INSC: variants seen among roughly 807,000 people sequenced by gnomAD.
The protein encoded by INSC is INSC spindle orientation adaptor protein.
A neutral mutation model predicts 58.6 loss-of-function variants in INSC; 67 were observed. The ratio of observed to expected loss-of-function variants is 1.14; its 90% confidence interval spans 0.94 to 1.40. The LOEUF is 1.40. Ranked by LOEUF, INSC falls within the 40% of genes most tolerant of loss-of-function variation. The pLI is 0.00. For synonymous variants in INSC, 262 were observed against 276.1 expected (o/e 0.95, Z 0.51); for missense variants, 714 against 692.0 (o/e 1.03, Z -0.36).
the INSC span, among the ~76,000 whole-genome samples, chr11:15,253,291 T>A: frequency 6.6e-6 from 1 of 152,070 alleles, no homozygotes; most frequent in Non-Finnish European, 1.5e-5. Context: ...ATATAAGTTG[T>A]AGAAAAGAAT....
intron 5 of INSC, among the ~76,000 whole-genome samples, chr11:15,182,416 TG>T (rs1048981443): frequency 3.9e-5 from 6 of 152,182 alleles, no homozygotes; most frequent in Non-Finnish European, 7.3e-5. Context: ...ATACACTCAC[TG>T]GGGGAAAACA....
At chr11:15,236,972 G>A (rs552655323) in intron 10 of INSC, among the ~76,000 whole-genome samples, 41 of 152,290 alleles carry the variant, frequency 2.7e-4, no homozygotes, top group Non-Finnish European at 5.6e-4. Context: ...CCGTTCTTTC[G>A]GTACTTATAG....
intron 5 of INSC, among the ~76,000 whole-genome samples, chr11:15,186,027 CT>C (rs1849953090): frequency 6.6e-6 from 1 of 152,086 alleles, no homozygotes; most frequent in Non-Finnish European, 1.5e-5. Flanking sequence ...TAGAGGGTTG[CT>C]TAAACTTTAA....
intron 2 of INSC, among the ~76,000 whole-genome samples, chr11:15,168,577 T>A (rs1319045235): frequency 1.3e-5 from 2 of 152,168 alleles, no homozygotes; most frequent in African/African-American, 2.4e-5. Flanking sequence ...TTTTTGAGTG[T>A]CCCCTTTTGT....
At chr11:15,252,297 T>G in the INSC span, among the ~76,000 whole-genome samples, 9,287 of 152,336 alleles carry the variant, frequency 0.061, 357 homozygotes, top group East Asian at 0.1. Flanking sequence ...ATGGTGAATG[T>G]TGCACAACTC....
intron 11 of INSC, among the ~76,000 whole-genome samples, chr11:15,240,189 A>G (rs1852289930): frequency 6.6e-6 from 1 of 152,202 alleles, no homozygotes; most frequent in African/African-American, 2.4e-5. Context: ...AAAAAAAGAC[A>G]CAGTTAGGAA....
At chr11:15,217,058 C>CT (rs1851246857) in intron 7 of INSC, among the ~76,000 whole-genome samples, 1 of 152,104 alleles carries the variant, frequency 6.6e-6, no homozygotes, top group Non-Finnish European at 1.5e-5. Context: ...GTGTATTAGT[C>CT]TTTTTTCACA....
chr11:15,149,441 C>G (rs1848581187), intron 2 of INSC, among the ~76,000 whole-genome samples: 1 of 152,186 alleles, frequency 6.6e-6, no homozygotes, highest in Admixed American at 6.5e-5. Flanking sequence ...AGGCATATCC[C>G]AGTCCCTAAT....
At chr11:15,198,732 T>C (rs771225648) in intron 6 of INSC, among the ~76,000 whole-genome samples, 1 of 152,186 alleles carries the variant, frequency 6.6e-6, no homozygotes, top group African/African-American at 2.4e-5. Context: ...GGCTGGCTGA[T>C]GAGAGCTTAG....
At chr11:15,116,692 A>G (rs1936110310) in intron 1 of INSC, among the ~76,000 whole-genome samples, 1 of 151,754 alleles carries the variant, frequency 6.6e-6, no homozygotes, top group Non-Finnish European at 1.5e-5. Flanking sequence ...GAAAGATGGT[A>G]TTGAGCTTCC....
the INSC span, among the ~76,000 whole-genome samples, chr11:15,257,257 T>C: frequency 6.6e-6 from 1 of 152,174 alleles, no homozygotes; most frequent in South Asian, 2.1e-4. Context: ...TTGAACCTTG[T>C]ATATATTTTA....
chr11:15,176,247 C>T (rs1165088033), intron 3 of INSC, among the ~76,000 whole-genome samples, 161 bp downstream of exon 3: 3 of 151,980 alleles, frequency 2.0e-5, no homozygotes, highest in Admixed American at 2.0e-4. Flanking sequence ...TTACTGAGTG[C>T]CTACTATGTG....
chr11:15,260,043 T>C, the INSC span, among the ~76,000 whole-genome samples: 5 of 152,294 alleles, frequency 3.3e-5, no homozygotes, highest in South Asian at 1.0e-3. Context: ...GATAGAACTT[T>C]GGTTTTATAT....
rs767727356 is a variant in INSC, at chr11:15,178,375, G to A, written c.507G>A (p.Val169=). 1.9e-6 allele frequency: 3 copies of A among 1,613,892 alleles called. No homozygotes were observed. Among genetic ancestry groups the A allele is most frequent in the South Asian group, 1.1e-5 (1 of 91,074 alleles). The part of the protein sequence containing the change: ...EHVLKSMKAC[V]SETLSMLGQH... Reference sequence around the variant, plus strand: ...TCCTGAAGTCAATGAAGGCCTGCGTGAGTGAGACCCTGAGCATGCTGGGCC... The same window carrying A: ...TCCTGAAGTCAATGAAGGCCTGCGTAAGTGAGACCCTGAGCATGCTGGGCC... The change falls in exon 5 of 13, where the codon GTG becomes GTA. Residue 169 remains valine (V), a synonymous_variant. Coordinates refer to ENST00000379556, the MANE Select transcript of INSC (RefSeq NM_001042536.3).
the INSC span, among the ~76,000 whole-genome samples, chr11:15,261,926 C>T: frequency 6.6e-6 from 1 of 152,080 alleles, no homozygotes; most frequent in Non-Finnish European, 1.5e-5. Flanking sequence ...AAGATCAGAA[C>T]TGCAGAGCAG....
intron 7 of INSC, among the ~76,000 whole-genome samples, chr11:15,221,225 A>G (rs1221947451): frequency 6.6e-6 from 1 of 151,770 alleles, no homozygotes; most frequent in Non-Finnish European, 1.5e-5. Flanking sequence ...GATGTCCGCT[A>G]TCTAGGAGGC....
At chr11:15,235,783 G>A (rs770806702) in intron 10 of INSC, 115 bp downstream of exon 10, 36 of 917,660 alleles carry the variant, frequency 3.9e-5, no homozygotes, top group East Asian at 7.3e-5. Flanking sequence ...GTGGCCGGGC[G>A]CAGGAATCAT....
chr11:15,183,351 CAAAA>C (rs66894801), intron 5 of INSC, among the ~76,000 whole-genome samples: 2 of 80,750 alleles, frequency 2.5e-5, no homozygotes, highest in African/African-American at 8.8e-5. Context: ...AACTCCATCT[CAAAA>C]AAAAAAAAAA....
the INSC span, among the ~76,000 whole-genome samples, chr11:15,265,723 G>T: frequency 2.3e-4 from 34 of 149,976 alleles, no homozygotes; most frequent in Admixed American, 2.2e-3. Context: ...CTAATTCTTG[G>T]TTTTGTACAT....
Sources: allele counts gnomAD v4.1 joint callset (sites outside exome capture counted in the v4.1 genomes callset), GRCh38; gene constraint gnomAD v4.1.1; transcripts MANE v1.5; gene names NCBI Gene and HGNC (gene_info 2026-07-23, HGNC 2026-07-21).